UGT1A9: variants seen among roughly 807,000 people sequenced by gnomAD.
UGT1A9 encodes UDP glucuronosyltransferase family 1 member A9, also known as UDP-glucuronosyltransferase 1A9.
A neutral mutation model predicts 45.0 loss-of-function variants in UGT1A9; 35 were observed. That is an observed-to-expected ratio of 0.78 (90% confidence interval 0.59 to 1.03). The LOEUF (loss-of-function observed/expected upper bound fraction) is 1.03. UGT1A9 is among the 50% of genes least tolerant of loss of function. The probability of loss-of-function intolerance (pLI) is 0.00; values close to 1 mark genes in which losing one functional copy is unlikely to be tolerated. For missense variants in UGT1A9, 687 were observed against 666.6 expected, an observed-to-expected ratio of 1.03 and a Z score of -0.34; for synonymous variants, 278 against 250.6, an observed-to-expected ratio of 1.11 and a Z score of -1.03.
intron 1 of UGT1A9, among the ~76,000 whole-genome samples, chr2:233,705,617 C>T (rs2075860928): frequency 6.6e-6 from 1 of 152,152 alleles, no homozygotes; most frequent in South Asian, 2.1e-4. Context: ...AGAGAAGAAA[C>T]TGAGTTGACA....
intron 1 of UGT1A9, among the ~76,000 whole-genome samples, chr2:233,746,603 T>C (rs1036013853): frequency 3.3e-5 from 5 of 151,768 alleles, no homozygotes; most frequent in Non-Finnish European, 5.9e-5. Context: ...TTGTCTCTGT[T>C]CACCTGACCC....
chr2:233,738,866 G>C (rs1369397028), intron 1 of UGT1A9: 1 of 152,204 alleles, frequency 6.6e-6, no homozygotes, highest in Non-Finnish European at 1.5e-5. Context: ...TGGGGAAAAT[G>C]GCTCCAGGGC....
intron 1 of UGT1A9, among the ~76,000 whole-genome samples, chr2:233,676,365 C>T (rs544333325): frequency 3.3e-5 from 5 of 152,264 alleles, no homozygotes; most frequent in African/African-American, 1.2e-4. Context: ...AGGATTATAG[C>T]AAGGTTACAA....
At chr2:233,685,329 G>A (rs1252071840) in intron 1 of UGT1A9, among the ~76,000 whole-genome samples, 3 of 152,178 alleles carry the variant, frequency 2.0e-5, no homozygotes, top group East Asian at 3.9e-4. Flanking sequence ...CACCACACCC[G>A]GACTTAAAGT....
intron 3 of UGT1A9, 40 bp downstream of exon 3, chr2:233,767,976 C>A: frequency 6.2e-7 from 1 of 1,614,040 alleles, no homozygotes; most frequent in South Asian, 1.1e-5. Context: ...AAACCAGGGT[C>A]AAATTAAGAA....
At chr2:233,702,197 A>T (rs187320668) in intron 1 of UGT1A9, among the ~76,000 whole-genome samples, 21 of 152,306 alleles carry the variant, frequency 1.4e-4, no homozygotes, top group Admixed American at 4.6e-4. Flanking sequence ...AGCCCCTGGC[A>T]GCCATTAATC....
chr2:233,713,311 T>G, intron 1 of UGT1A9: 1 of 1,614,252 alleles, frequency 6.2e-7, no homozygotes, highest in East Asian at 2.2e-5. Flanking sequence ...GAACATCTTC[T>G]GATGAAATTT....
chr2:233,693,495 G>T (rs756909037), intron 1 of UGT1A9: 7 of 1,614,068 alleles, frequency 4.3e-6, no homozygotes, highest in Non-Finnish European at 5.9e-6. Context: ...GAGTATTTGG[G>T]CCTACCATCT....
At chr2:233,693,135 A>G (rs879171045) in intron 1 of UGT1A9, 1 of 1,614,148 alleles carries the variant, frequency 6.2e-7, no homozygotes, top group South Asian at 1.1e-5. Flanking sequence ...AGTATGAAGG[A>G]TATAGTTGAG....
intron 1 of UGT1A9, among the ~76,000 whole-genome samples, chr2:233,727,385 C>T (rs892403095): frequency 5.3e-5 from 8 of 152,128 alleles, no homozygotes; most frequent in African/African-American, 9.7e-5. Context: ...GGAGTACCAC[C>T]GTCTTCCAAG....
chr2:233,750,856 G>C (rs28899469), intron 1 of UGT1A9: 5,157 of 151,970 alleles, frequency 0.034, 172 homozygotes, highest in African/African-American at 0.052. Flanking sequence ...TGGATGTCCA[G>C]GCAGAAGTTT....
intron 1 of UGT1A9, among the ~76,000 whole-genome samples, chr2:233,684,471 G>T (rs4261716): frequency 0.39 from 59,169 of 151,958 alleles, 11,710 homozygotes; most frequent in South Asian, 0.45. Context: ...TGCTGAGTTT[G>T]TTGTGGCTCA....
At chr2:233,745,472 G>T (rs1454081365) in intron 1 of UGT1A9, among the ~76,000 whole-genome samples, 5 of 151,704 alleles carry the variant, frequency 3.3e-5, no homozygotes, top group Non-Finnish European at 7.4e-5. Flanking sequence ...AGGGGAAAAT[G>T]ATTAACCAAA....
At chr2:233,757,306 AGGGG>A in intron 1 of UGT1A9, among the ~76,000 whole-genome samples, 1 of 7,688 alleles carries the variant, frequency 1.3e-4, no homozygotes. Flanking sequence ...GTTGGGGGAC[AGGGG>A]GGCTGGGGCC....
intron 1 of UGT1A9, among the ~76,000 whole-genome samples, chr2:233,739,658 C>G (rs1397600161): frequency 6.6e-6 from 1 of 152,228 alleles, no homozygotes; most frequent in Non-Finnish European, 1.5e-5. Context: ...TCTGTACCCC[C>G]ATTGTGTCTT....
intron 1 of UGT1A9, among the ~76,000 whole-genome samples, chr2:233,733,728 TG>T (rs1325830019): frequency 1.3e-5 from 2 of 152,260 alleles, no homozygotes; most frequent in Admixed American, 6.5e-5. Flanking sequence ...TGAGGATTTT[TG>T]CATCGATGTT....
At chr2:233,729,785 T>C (rs767360644) in intron 1 of UGT1A9, 1 of 1,614,014 alleles carries the variant, frequency 6.2e-7, no homozygotes, top group Non-Finnish European at 8.5e-7. Flanking sequence ...CCTCTGGCCC[T>C]GTCCTACATT....
intron 1 of UGT1A9, among the ~76,000 whole-genome samples, chr2:233,756,791 A>C (rs1696326658): frequency 6.6e-6 from 1 of 152,088 alleles, no homozygotes; most frequent in Non-Finnish European, 1.5e-5. Context: ...ATTGTGGGGC[A>C]ATACACTAGT....
rs1575845163 is a variant in UGT1A9, at chr2:233,769,671, ATG to A, written c.1295+1241_1295+1242del. 2.5e-6 allele frequency: 4 copies of A among 1,588,796 alleles called. No homozygotes were observed. The highest frequency in any genetic ancestry group is 4.5e-5 in the East Asian group (2 of 44,092). On this transcript the variant is annotated intron_variant, in intron 4 of 4. Coordinates refer to ENST00000354728, the MANE Select transcript of UGT1A9 (RefSeq NM_021027.3). This position sits in a 1 kb window ranked among gnomAD's most constrained non-coding sequence, Gnocchi z 4.4. ...CTGACTTCCCACCTTTGAGGTGCTA[ATG>A]TGTGTGTGGTGGCACTGGATAAAAG...
Sources: allele counts gnomAD v4.1 joint callset (sites outside exome capture counted in the v4.1 genomes callset), GRCh38; gene constraint gnomAD v4.1.1; non-coding constraint Gnocchi (gnomAD v3.1); transcripts MANE v1.5; gene names NCBI Gene and HGNC (gene_info 2026-07-23, HGNC 2026-07-21).